The following GRID2 variants were observed in gnomAD, a reference collection of about 807,000 sequenced individuals.
The protein encoded by GRID2 is glutamate ionotropic receptor delta type subunit 2.
GRID2 carries 33 observed loss-of-function variants against 114.8 expected under a neutral mutation model. The observed-to-expected ratio is 0.29, with a 90% CI of 0.22 to 0.38. The LOEUF (loss-of-function observed/expected upper bound fraction) is 0.38, where lower values mean the gene tolerates loss of function less well. Among genes scored for constraint, GRID2 ranks in the 10% least tolerant of loss-of-function variants. GRID2 has a pLI of 1.00. For missense variants in GRID2, 1,184 were observed against 1,257.7 expected (o/e 0.94, Z 0.89); for synonymous variants, 505 against 449.9 (o/e 1.12, Z -1.55).
intron 1 of GRID2, among the ~76,000 whole-genome samples, chr4:92,335,706 G>T (rs1411852034): frequency 1.3e-5 from 2 of 152,072 alleles, no homozygotes; most frequent in African/African-American, 4.8e-5. Flanking sequence ...AATATTTTCT[G>T]CCAAATAAAA....
intron 2 of GRID2, among the ~76,000 whole-genome samples, chr4:92,982,048 AAAAGAAAAAAG>A (rs1754254528): frequency 6.7e-6 from 1 of 149,212 alleles, no homozygotes; most frequent in Admixed American, 6.7e-5. Flanking sequence ...AAAAAAAAGA[AAAAGAAAAAAG>A]AAAAAGGTGA....
chr4:92,876,263 A>G (rs1745619362), intron 2 of GRID2, among the ~76,000 whole-genome samples: 1 of 149,844 alleles, frequency 6.7e-6, no homozygotes, highest in Non-Finnish European at 1.5e-5. Flanking sequence ...AAAAAACCCA[A>G]TTATCTTTTT....
chr4:92,687,201 A>G (rs2149289548), intron 2 of GRID2, among the ~76,000 whole-genome samples: 1 of 149,902 alleles, frequency 6.7e-6, no homozygotes, highest in African/African-American at 2.5e-5. Flanking sequence ...TTTTTTCAGG[A>G]AAGAGGCCCG....
chr4:93,051,095 ATGTT>A (rs1726666728), intron 2 of GRID2, among the ~76,000 whole-genome samples: 1 of 152,030 alleles, frequency 6.6e-6, no homozygotes, highest in South Asian at 2.1e-4. Flanking sequence ...GACTGCCTCA[ATGTT>A]TGAGGATCTT....
chr4:93,656,845 AAAAAAAAAAAAAC>A (rs1330129175), intron 14 of GRID2, among the ~76,000 whole-genome samples: 4 of 148,152 alleles, frequency 2.7e-5, no homozygotes, highest in African/African-American at 7.6e-5. Flanking sequence ...AAAAAAAAAA[AAAAAAAAAAAAAC>A]AAATAATTCC....
At chr4:92,472,204 A>T (rs1488627214) in intron 1 of GRID2, among the ~76,000 whole-genome samples, 1 of 60,930 alleles carries the variant, frequency 1.6e-5, no homozygotes, top group Non-Finnish European at 3.4e-5. Context: ...AAGTGCTGGG[A>T]TTACAGGCGT....
chr4:92,595,436 T>A (rs1020323056), intron 2 of GRID2, among the ~76,000 whole-genome samples: 6 of 151,930 alleles, frequency 3.9e-5, no homozygotes, highest in African/African-American at 1.4e-4. Flanking sequence ...TAAATGATAT[T>A]TTTAATATAT....
intron 13 of GRID2, among the ~76,000 whole-genome samples, chr4:93,547,001 C>A (rs1299052354): frequency 6.6e-6 from 1 of 152,042 alleles, no homozygotes; most frequent in Admixed American, 6.6e-5. Flanking sequence ...TCTAATTTTG[C>A]CGTCAACAAA....
chr4:93,431,952 TTAATAA>T (rs1769457289), intron 10 of GRID2, among the ~76,000 whole-genome samples: 1 of 152,202 alleles, frequency 6.6e-6, no homozygotes, highest in African/African-American at 2.4e-5. Flanking sequence ...AATGTGTATG[TTAATAA>T]TAGATAGGCA....
chr4:93,534,636 C>T (rs1411475445), intron 13 of GRID2, among the ~76,000 whole-genome samples: 1 of 151,962 alleles, frequency 6.6e-6, no homozygotes, highest in Non-Finnish European at 1.5e-5. Context: ...CCAAAATAAC[C>T]CCCAAAAAAT....
At chr4:93,469,672 A>G (rs934009000) in intron 11 of GRID2, among the ~76,000 whole-genome samples, 1 of 152,110 alleles carries the variant, frequency 6.6e-6, no homozygotes, top group African/African-American at 2.4e-5. Context: ...CATCTGGAGT[A>G]TAAGATTAAA....
chr4:92,699,825 T>C (rs1734585306), intron 2 of GRID2, among the ~76,000 whole-genome samples: 1 of 152,186 alleles, frequency 6.6e-6, no homozygotes, highest in Non-Finnish European at 1.5e-5. Flanking sequence ...TCTTCTCAGA[T>C]TTATAAAATT....
At chr4:93,049,417 T>G (rs1726478666) in intron 2 of GRID2, among the ~76,000 whole-genome samples, 1 of 152,000 alleles carries the variant, frequency 6.6e-6, no homozygotes, top group Non-Finnish European at 1.5e-5. Flanking sequence ...GACTCTCTGT[T>G]TTCTTTGTTC....
intron 1 of GRID2, among the ~76,000 whole-genome samples, chr4:92,441,652 G>C (rs888197449): frequency 6.6e-6 from 1 of 152,116 alleles, no homozygotes; most frequent in Non-Finnish European, 1.5e-5. Flanking sequence ...AGGCCATGCT[G>C]TAGCAGGCGA....
intron 14 of GRID2, among the ~76,000 whole-genome samples, chr4:93,663,786 G>A (rs1723709065): frequency 6.6e-6 from 1 of 152,146 alleles, no homozygotes; most frequent in Admixed American, 6.5e-5. Flanking sequence ...GAGTGTATTA[G>A]TGAATTCACA....
chr4:92,945,939 G>A (rs1488776125), intron 2 of GRID2, among the ~76,000 whole-genome samples: 1 of 152,058 alleles, frequency 6.6e-6, no homozygotes, highest in Non-Finnish European at 1.5e-5. Flanking sequence ...CTTGCACTGT[G>A]TTTTATTAGC....
At chr4:92,659,913 TA>T (rs1460424176) in intron 2 of GRID2, among the ~76,000 whole-genome samples, 1 of 151,542 alleles carries the variant, frequency 6.6e-6, no homozygotes, top group Non-Finnish European at 1.5e-5. Context: ...TAACGTGCAA[TA>T]AAATCTGTTA....
chr4:93,247,779 C>T (rs1748373005), intron 8 of GRID2, among the ~76,000 whole-genome samples: 1 of 151,362 alleles, frequency 6.6e-6, no homozygotes, highest in Admixed American at 6.6e-5. Context: ...CATATATTCC[C>T]CTGGAGAACC....
At chr4:93,288,202 A>C (rs1272848327) in intron 8 of GRID2, among the ~76,000 whole-genome samples, 1 of 152,238 alleles carries the variant, frequency 6.6e-6, no homozygotes, top group African/African-American at 2.4e-5. Context: ...ACAGAGATAC[A>C]GGCATCAACA....
Sources: allele counts gnomAD v4.1 joint callset (sites outside exome capture counted in the v4.1 genomes callset), GRCh38; gene constraint gnomAD v4.1.1; transcripts MANE v1.5; gene names NCBI Gene and HGNC (gene_info 2026-07-23, HGNC 2026-07-21).